Variants in BLZF1 observed in about 807,000 individuals in gnomAD.
BLZF1 encodes the protein basic leucine zipper nuclear factor 1.
A neutral mutation model predicts 43.8 loss-of-function variants in BLZF1; 39 were observed. The ratio of observed to expected loss-of-function variants is 0.89; its 90% CI spans 0.69 to 1.16. The LOEUF (loss-of-function observed/expected upper bound fraction) is 1.16, where lower values mean the gene tolerates loss of function less well. Ranked by LOEUF, BLZF1 falls within the 50% of genes most tolerant of loss-of-function variation. The pLI is 0.00. For missense variants in BLZF1, 449 were observed against 469.8 expected, an observed-to-expected ratio of 0.96 and a Z score of 0.41; for synonymous variants, 136 against 159.4, an observed-to-expected ratio of 0.85 and a Z score of 1.11.
chr1:169,370,045 G>T (rs1557844784), intron 2 of BLZF1, among the ~76,000 whole-genome samples: 1 of 152,310 alleles, frequency 6.6e-6, no homozygotes. Context: ...CCTTCGGAAG[G>T]CATTAGAGAC....
rs181614246 is a variant in BLZF1, at chr1:169,380,462, A to G, written c.669-19A>G. ...ATTATTGTCAGCAAATTTATATGTA[A>G]GATTTTAATCTTTTTCAGGGTAATG... On this transcript the variant is annotated intron_variant, in intron 4 of 6. Transcript: ENST00000367808. 41 of 1,602,106 alleles carry G rather than the reference A, an allele frequency of 2.6e-5. No homozygotes were observed. The East Asian group carries it at 9.0e-4, about 35-fold the overall frequency.
rs1045577446 is a variant in BLZF1 at position 169,371,330 on chromosome 1, C to A, written c.28+1780C>A. Among the ~76,000 whole-genome samples the A allele has an allele frequency of 5.3e-5, 8 of 152,142 alleles. 1 individual carries two copies. In the South Asian group the frequency reaches 1.5e-3, roughly 28 times the overall value. On this transcript the variant is annotated intron_variant, in intron 2 of 6. Transcript: ENST00000367808. The stretch of plus-strand genomic sequence containing the variant: ...TATGATTAGTCATTAGAAGTACTGG[C>A]AAGTTCTCTGTGAAATTAAATTACT...
At chr1:169,381,556 C>T (rs1654527368) in intron 5 of BLZF1, among the ~76,000 whole-genome samples, 2 of 152,200 alleles carry the variant, frequency 1.3e-5, no homozygotes, top group Non-Finnish European at 2.9e-5. Context: ...CCAGCATTGT[C>T]TTGATATCAG....
chr1:169,395,831 G>A (rs1228589169), intron 7 of BLZF1: 1 of 145,882 alleles, frequency 6.9e-6, no homozygotes, highest in East Asian at 2.0e-4. Context: ...TGGTATGTTT[G>A]TGTGTGTGTG....
chr1:169,368,327 A>G lies in BLZF1; in HGVS notation c.-66A>G, dbSNP rs1005042262. ...AAGTGAAGCCCCCTGAAATACGGAG[A>G]ATAAGAATCTTAGAGGTAAATCCGA... On this transcript the variant is annotated 5_prime_UTR_variant, in exon 1 of 7. Coordinates refer to ENST00000367808, the MANE Select transcript of BLZF1 (RefSeq NM_001320973.2). The G allele has an allele frequency of 3.2e-5, 5 of 153,912 alleles. No individual in the cohort carries two copies. Among genetic ancestry groups the G allele is most frequent in the African/African-American group, 1.2e-4 (5 of 41,430 alleles). 9.5% of individuals were successfully genotyped at this position (153,912 alleles called of 1,614,324 possible).
intron 2 of BLZF1, among the ~76,000 whole-genome samples, chr1:169,375,938 A>G (rs1654326566): frequency 6.6e-6 from 1 of 152,072 alleles, no homozygotes; most frequent in African/African-American, 2.4e-5. Context: ...AGTGAGGTAT[A>G]AGGATGTTTA....
At chr1:169,391,561 AT>A (rs1002959891), downstream of BLZF1, among the ~76,000 whole-genome samples, 2 of 152,092 alleles carry the variant, frequency 1.3e-5, no homozygotes, top group Non-Finnish European at 2.9e-5. Flanking sequence ...GGGAGTTTTC[AT>A]TTCTGCAACC....
chr1:169,373,733 A>T (rs1181143182), intron 2 of BLZF1, among the ~76,000 whole-genome samples: 14 of 152,076 alleles, frequency 9.2e-5, no homozygotes, highest in Admixed American at 7.9e-4. Flanking sequence ...TCAAAAAGAG[A>T]TTTCTGTTAA....
At chr1:169,388,547 A>T (rs1654736460), downstream of BLZF1, among the ~76,000 whole-genome samples, 1 of 152,230 alleles carries the variant, frequency 6.6e-6, no homozygotes, top group African/African-American at 2.4e-5. Context: ...AAAATTTCAA[A>T]TTTTTGTGCA....
At chr1:169,370,776 C>A (rs926617920) in intron 2 of BLZF1, among the ~76,000 whole-genome samples, 2 of 152,164 alleles carry the variant, frequency 1.3e-5, no homozygotes, top group African/African-American at 4.8e-5. Flanking sequence ...TTTCTACTCT[C>A]ATGACTTCAG....
intron 2 of BLZF1, among the ~76,000 whole-genome samples, chr1:169,373,785 T>A (rs1205066298): frequency 6.6e-6 from 1 of 152,184 alleles, no homozygotes; most frequent in Non-Finnish European, 1.5e-5. Context: ...TTAACTTTAA[T>A]CATTTTGTAA....
At chr1:169,395,907 A>G (rs1228588588) in exon 8 of BLZF1, 1 of 151,534 alleles carries the variant, frequency 6.6e-6, no homozygotes, top group Non-Finnish European at 1.5e-5. Flanking sequence ...AAACAACTAA[A>G]TAACTGTATT....
chr1:169,393,899 G>A (rs747772244), intron 7 of BLZF1, among the ~76,000 whole-genome samples: 17 of 152,154 alleles, frequency 1.1e-4, no homozygotes, highest in Non-Finnish European at 1.9e-4. Context: ...ACCGCACCCA[G>A]CCAGAAGTTT....
chr1:169,378,681 T>TA (rs1342306114), intron 4 of BLZF1, 152 bp downstream of exon 4: 3 of 676,292 alleles, frequency 4.4e-6, no homozygotes, highest in Middle Eastern at 3.0e-4. Flanking sequence ...CTCCTCTGGA[T>TA]AGTCACACAG....
At chr1:169,389,126 A>T (rs1161620537), downstream of BLZF1, among the ~76,000 whole-genome samples, 1 of 151,552 alleles carries the variant, frequency 6.6e-6, no homozygotes, top group Non-Finnish European at 1.5e-5. Context: ...TGTCTCAAAA[A>T]AAAAAAGAAT....
At chr1:169,383,354 T>C (rs1654580228) in intron 6 of BLZF1, among the ~76,000 whole-genome samples, 5 of 152,152 alleles carry the variant, frequency 3.3e-5, no homozygotes, top group Admixed American at 3.3e-4. Flanking sequence ...TCAACAGTTA[T>C]TCCTTCTCTC....
chr1:169,389,310 CA>C (rs1260873522), downstream of BLZF1, among the ~76,000 whole-genome samples: 2 of 151,086 alleles, frequency 1.3e-5, no homozygotes, highest in East Asian at 1.9e-4. Flanking sequence ...AAAACAAAAA[CA>C]AAAAAAATTA....
Position 169,387,050 on chromosome 1 carries a change from A to G in BLZF1, c.1071A>G (p.Pro357=). ...VTCKESSPDN[P]FFESSPTTLL... is the part of the protein sequence containing the mutation. The stretch of plus-strand genomic sequence containing the variant: ...GCAAAGAGAGTTCACCTGATAATCC[A>G]TTTTTTGAGTCTTCACCAACCACCT... The change falls in exon 7 of 7, where the codon CCA becomes CCG. Residue 357 remains proline (P), a synonymous_variant. Transcript: ENST00000367808. The G allele has an allele frequency of 6.2e-7, 1 of 1,613,286 alleles. No individual in the cohort carries two copies. Among genetic ancestry groups the G allele is most frequent in the East Asian group, 2.2e-5 (1 of 44,828 alleles).
chr1:169,368,869 CCTT>C (rs1486895078), intron 1 of BLZF1, among the ~76,000 whole-genome samples: 3 of 152,068 alleles, frequency 2.0e-5, no homozygotes, highest in Admixed American at 6.5e-5. Context: ...AGTAGCATCA[CCTT>C]CTTATATGTT....
Sources: gnomAD v4.1 joint callset for allele counts (sites outside exome capture counted in the v4.1 genomes callset) on GRCh38, gnomAD v4.1.1 for gene constraint, MANE v1.5 for transcripts, NCBI Gene and HGNC (gene_info 2026-07-23, HGNC 2026-07-21) for gene names.